METTL6: variants seen among roughly 807,000 people sequenced by gnomAD.
METTL6 encodes the protein tRNA N(3)-cytidine methyltransferase METTL6.
A neutral mutation model predicts 26.4 loss-of-function variants in METTL6; 22 were observed. The ratio of observed to expected loss-of-function variants is 0.83; its 90% CI spans 0.59 to 1.19. The LOEUF (loss-of-function observed/expected upper bound fraction) is 1.19. Ranked by LOEUF, METTL6 falls within the 50% of genes most tolerant of loss-of-function variation. The pLI, the probability that METTL6 is intolerant of heterozygous loss-of-function variation, is 0.00. For missense variants in METTL6, 304 were observed against 324.8 expected, an observed-to-expected ratio of 0.94 and a Z score of 0.49; for synonymous variants, 109 against 116.2, an observed-to-expected ratio of 0.94 and a Z score of 0.40.
At chr3:15,416,126 A>G (rs1287472444) in intron 3 of METTL6, among the ~76,000 whole-genome samples, 184 bp from the exon 4 acceptor site, 1 of 152,260 alleles carries the variant, frequency 6.6e-6, no homozygotes, top group East Asian at 1.9e-4. Context: ...CTGCTACAGG[A>G]GCAAGACTTC....
At chr3:15,397,151 C>T (rs556485291) in intron 6 of METTL6, among the ~76,000 whole-genome samples, 16 of 152,348 alleles carry the variant, frequency 1.1e-4, no homozygotes, top group African/African-American at 2.9e-4. Context: ...GCTTCCCAAC[C>T]GCTTTGTTTA....
At position 15,414,037 on chromosome 3, in the gene METTL6, T is replaced by C. The variant is rs746216005; in HGVS notation, c.657A>G (p.Ser219=). 15 of 1,614,046 alleles carry C rather than the reference T, an allele frequency of 9.3e-6. No individual in the cohort carries two copies. Among genetic ancestry groups the C allele is most frequent in the Middle Eastern group, 1.7e-4 (1 of 6,060 alleles). ...TCATCTTACCATCAGTAAAAAAATA[T>C]GATCTGGTCCCATCTTGTCTAACAT... ...NFYVRQDGTR[S]YFFTDDFLAQ... Residue 219 remains serine (S), a synonymous_variant, in exon 5 of 6, where the codon TCA becomes TCG. Transcript: ENST00000383790.
At position 15,411,219 on chromosome 3, in the gene METTL6, C is replaced by G; in HGVS notation, c.*37G>C. 1.3e-6 allele frequency: 2 copies of G among 1,584,130 alleles called. No homozygotes were observed. Among genetic ancestry groups the G allele is most frequent in the Non-Finnish European group, 1.7e-6 (2 of 1,167,554 alleles). On this transcript the variant is annotated 3_prime_UTR_variant, in exon 6 of 6. Coordinates refer to ENST00000383790, the MANE Select transcript of METTL6 (RefSeq NM_152396.4). The stretch of plus-strand genomic sequence containing the variant: ...CGAAAGAGTGATTTTAAATTTTCCT[C>G]TTCAAGGGAAGGTATAAATGCCAAC...
chr3:15,392,573 T>A (rs1321645872), intron 6 of METTL6, among the ~76,000 whole-genome samples: 5 of 152,246 alleles, frequency 3.3e-5, no homozygotes. Context: ...TCCTTGCCCG[T>A]GCCTATGTCC....
chr3:15,426,655 A>G lies in METTL6; in HGVS notation c.-124-20T>C, dbSNP rs2061731997. The G allele has an allele frequency of 1.4e-6, 1 of 715,534 alleles. No individual in the cohort carries two copies. The highest frequency in any genetic ancestry group is 1.8e-5 in the African/African-American group (1 of 56,078). The allele number at this position is 715,534 out of a possible 1,614,324, so 44.3% of individuals were successfully genotyped here. A position where few individuals can be genotyped will look rare whatever the true frequency, so the allele number is the denominator to read the frequency against. On this transcript the variant is annotated intron_variant, in intron 1 of 5. Transcript: ENST00000383790. ...AGGGGGCTTCGCAGAGAAAAGAATT[A>G]GATTCTGGTTAGTGGTTACAGTTCA...
chr3:15,418,341 T>A (rs557005547), intron 3 of METTL6, among the ~76,000 whole-genome samples: 25 of 152,248 alleles, frequency 1.6e-4, no homozygotes, highest in African/African-American at 5.3e-4. Flanking sequence ...ATTTCAGGGA[T>A]GGAAACTATA....
At chr3:15,394,771 G>A (rs1699442945) in intron 6 of METTL6, among the ~76,000 whole-genome samples, 1 of 152,182 alleles carries the variant, frequency 6.6e-6, no homozygotes, top group South Asian at 2.1e-4. Context: ...TAGTCATTCA[G>A]GAGCAAGTTG....
chr3:15,385,523 G>A (rs573369837), intron 6 of METTL6, among the ~76,000 whole-genome samples: 10 of 152,158 alleles, frequency 6.6e-5, no homozygotes, highest in East Asian at 3.9e-4. Context: ...GCTTGAACTC[G>A]GGAGGCAGAG....
At chr3:15,403,029 G>A (rs1699690360) in intron 6 of METTL6, among the ~76,000 whole-genome samples, 1 of 152,200 alleles carries the variant, frequency 6.6e-6, no homozygotes, top group Non-Finnish European at 1.5e-5. Context: ...ATAGCTTGGA[G>A]GTTAGAAGCA....
chr3:15,389,901 G>A (rs944247531), intron 6 of METTL6, among the ~76,000 whole-genome samples: 104 of 149,304 alleles, frequency 7.0e-4, no homozygotes, highest in African/African-American at 2.5e-3. Flanking sequence ...TGTCACCCAG[G>A]CTAGAGAGCA....
At chr3:15,426,761 C>A in intron 1 of METTL6, 126 bp from the exon 2 acceptor site, 1 of 525,032 alleles carries the variant, frequency 1.9e-6, no homozygotes, top group Middle Eastern at 5.0e-4. Flanking sequence ...TGAGAGGTCA[C>A]AAAGAAGACA....
Position 15,411,394 on chromosome 3 carries a change from C to A in METTL6, c.717G>T (p.Val239=). The change falls in exon 6 of 6, where the codon GTG becomes GTT. Residue 239 remains valine (V), a synonymous_variant. Transcript: ENST00000383790. ...TCTCTCGAAACACATACTCGTTTAC[C>A]ACTTCTTCATAACCTGTGTCCATAA... The part of the protein sequence containing the change: ...QLFMDTGYEE[V]VNEYVFRETV... 6.2e-7 allele frequency: 1 copy of A among 1,614,134 alleles called. No homozygotes were observed. Among genetic ancestry groups the A allele is most frequent in the Non-Finnish European group, 8.5e-7 (1 of 1,180,018 alleles).
chr3:15,427,588 C>G, upstream of METTL6: 2 of 591,664 alleles, frequency 3.4e-6, no homozygotes, highest in South Asian at 4.0e-5. Context: ...GGCCTTGCCT[C>G]CTCAGATTCC....
Position 15,411,060 on chromosome 3 carries a change from T to G in METTL6, c.*196A>C. ...GGCACTCGCCACTATGCCCAGCTAA[T>G]TTTTTTGTATTTTTAGTAGAGATGG... On this transcript the variant is annotated 3_prime_UTR_variant, in exon 6 of 6. Coordinates refer to ENST00000383790, the MANE Select transcript of METTL6 (RefSeq NM_152396.4). 1 of 506,056 alleles carries G rather than the reference T, an allele frequency of 2.0e-6. No homozygotes were observed. Among genetic ancestry groups the G allele is most frequent in the Non-Finnish European group, 3.4e-6 (1 of 295,466 alleles). 31.3% of individuals were successfully genotyped at this position (506,056 alleles called of 1,614,324 possible).
At chr3:15,390,362 A>G (rs1228022324) in intron 6 of METTL6, among the ~76,000 whole-genome samples, 1 of 152,152 alleles carries the variant, frequency 6.6e-6, no homozygotes, top group Non-Finnish European at 1.5e-5. Flanking sequence ...TGGGAAGCAG[A>G]GGTTGCAGTG....
At chr3:15,392,255 A>G (rs1043902908) in intron 6 of METTL6, among the ~76,000 whole-genome samples, 4 of 152,106 alleles carry the variant, frequency 2.6e-5, no homozygotes, top group East Asian at 1.9e-4. Context: ...GCCAGTGATG[A>G]TGAGCATTTT....
At chr3:15,405,011 C>T (rs1297919977), downstream of METTL6, among the ~76,000 whole-genome samples, 2 of 152,226 alleles carry the variant, frequency 1.3e-5, no homozygotes, top group Non-Finnish European at 2.9e-5. Context: ...GAACCAAATG[C>T]TATCAAAGAT....
At chr3:15,401,028 C>T (rs1311909859) in intron 6 of METTL6, among the ~76,000 whole-genome samples, 1 of 151,694 alleles carries the variant, frequency 6.6e-6, no homozygotes, top group East Asian at 1.9e-4. Flanking sequence ...ACACCCAGAT[C>T]AGTTTTGTAT....
At chr3:15,389,859 T>G (rs1208180165) in intron 6 of METTL6, among the ~76,000 whole-genome samples, 1 of 151,282 alleles carries the variant, frequency 6.6e-6, no homozygotes, top group Non-Finnish European at 1.5e-5. Flanking sequence ...ATTTTTTTTT[T>G]TTTTTTTTTT....
Sources: gnomAD v4.1 joint callset for allele counts (sites outside exome capture counted in the v4.1 genomes callset) on GRCh38, gnomAD v4.1.1 for gene constraint, MANE v1.5 for transcripts, NCBI Gene and HGNC (gene_info 2026-07-23, HGNC 2026-07-21) for gene names.